The following ZNF721 variants were observed in gnomAD, a reference collection of about 807,000 sequenced individuals.
ZNF721 encodes zinc finger protein 721.
Under a neutral mutation model 2.4 loss-of-function variants are expected in ZNF721, and 2 were observed. The observed-to-expected ratio is 0.82, with a 90% confidence interval of 0.34 to 2.58. ZNF721 has a LOEUF of 2.58. ZNF721 is among the 30% of genes most tolerant of loss of function. The pLI is 0.11. For missense variants in ZNF721, 1,187 were observed against 1,085.5 expected, an observed-to-expected ratio of 1.09 and a Z score of -1.31; for synonymous variants, 398 against 381.8, an observed-to-expected ratio of 1.04 and a Z score of -0.50.
chr4:456,667 T>C (rs2108699168), intron 2 of ZNF721, among the ~76,000 whole-genome samples: 1 of 152,230 alleles, frequency 6.6e-6, no homozygotes, highest in South Asian at 2.1e-4. Context: ...GATCATGAGG[T>C]CAAGAGATCG....
intron 1 of ZNF721, among the ~76,000 whole-genome samples, chr4:484,603 C>T (rs1277764061): frequency 6.6e-6 from 1 of 152,142 alleles, no homozygotes; most frequent in Non-Finnish European, 1.5e-5. Context: ...CTCTTATGGT[C>T]GAGGCTGCAG....
In ZNF721 at chr4:441,711, T is replaced by G; in HGVS notation, c.2756A>C (p.Lys919Thr). ...YAHKKIHTGDKTIQV is the reference protein window; with the variant it reads ...YAHKKIHTGDTTIQV ...CCACATTCTTTACACTTGTATGGTTTTATCTCCAGTATGAATTTTCTTATG... is the reference window on the plus strand; with the variant it reads ...CCACATTCTTTACACTTGTATGGTTGTATCTCCAGTATGAATTTTCTTATG... Residue 919 changes from lysine to threonine, a missense_variant, in exon 3 of 3, where the codon AAA becomes ACA. Physicochemically the swap from Lys to Thr is moderately conservative, Grantham distance 78. Transcript: ENST00000511833. The G allele has an allele frequency of 6.2e-7, 1 of 1,609,248 alleles. No homozygotes were observed. Among genetic ancestry groups the G allele is most frequent in the Non-Finnish European group, 8.5e-7 (1 of 1,177,068 alleles).
At chr4:485,491 T>G (rs1715870260) in intron 1 of ZNF721, among the ~76,000 whole-genome samples, 1 of 151,628 alleles carries the variant, frequency 6.6e-6, no homozygotes, top group South Asian at 2.1e-4. Flanking sequence ...AGGCCACAAC[T>G]CAACAGTGGT....
At chr4:462,811 C>G (rs1715108611) in intron 2 of ZNF721, among the ~76,000 whole-genome samples, 1 of 152,216 alleles carries the variant, frequency 6.6e-6, no homozygotes, top group Non-Finnish European at 1.5e-5. Flanking sequence ...TAGAAGAAAA[C>G]CTAGGCAATA....
chr4:466,319 G>A (rs1715249245), intron 2 of ZNF721, among the ~76,000 whole-genome samples: 1 of 152,132 alleles, frequency 6.6e-6, no homozygotes, highest in South Asian at 2.1e-4. Flanking sequence ...TTAAAATGGG[G>A]GGAAATCCTA....
intron 2 of ZNF721, among the ~76,000 whole-genome samples, chr4:465,560 T>C (rs1428759576): frequency 6.6e-6 from 1 of 151,834 alleles, no homozygotes; most frequent in Admixed American, 6.6e-5. Context: ...GCCTCCCAAG[T>C]AGCTGGGACT....
intron 1 of ZNF721, among the ~76,000 whole-genome samples, chr4:485,472 G>A (rs1325448441): frequency 1.3e-4 from 20 of 151,826 alleles, no homozygotes; most frequent in Admixed American, 3.3e-4. Flanking sequence ...GAACACAGGC[G>A]GGACTGAAAG....
At chr4:454,656 A>T (rs1553865243) in intron 2 of ZNF721, among the ~76,000 whole-genome samples, 1 of 152,094 alleles carries the variant, frequency 6.6e-6, no homozygotes, top group African/African-American at 2.4e-5. Flanking sequence ...ATGTATCTGT[A>T]AGGGTATTTT....
intron 2 of ZNF721, 125 bp from the exon 3 acceptor site, chr4:444,557 T>C: frequency 1.0e-6 from 1 of 968,604 alleles, no homozygotes; most frequent in Non-Finnish European, 1.5e-6. Flanking sequence ...AGTCATAACT[T>C]CTTCACATAT....
chr4:494,139 T>C (rs1716090247), intron 1 of ZNF721, among the ~76,000 whole-genome samples: 1 of 152,002 alleles, frequency 6.6e-6, no homozygotes, highest in African/African-American at 2.4e-5. Flanking sequence ...ATATAGACAA[T>C]ACATAAACAC....
chr4:447,585 G>A (rs1304796572), intron 2 of ZNF721, among the ~76,000 whole-genome samples: 6 of 152,054 alleles, frequency 3.9e-5, no homozygotes, highest in Non-Finnish European at 7.4e-5. Flanking sequence ...GTTTCCATTC[G>A]AAATACATGC....
rs1714230167 is a variant in ZNF721, at chr4:441,382, G to A, written c.*313C>T. 9.2e-6 allele frequency: 2 copies of A among 217,642 alleles called. No homozygotes were observed. The highest frequency in any genetic ancestry group is 1.8e-5 in the Non-Finnish European group (2 of 110,074). The allele number at this position is 217,642 out of a possible 1,614,324, so 13.5% of individuals were successfully genotyped here. A position where few individuals can be genotyped will look rare whatever the true frequency, so the allele number is the denominator to read the frequency against. On this transcript the variant is annotated 3_prime_UTR_variant, in exon 3 of 3. Coordinates refer to ENST00000511833, the MANE Select transcript of ZNF721 (RefSeq NM_133474.4). Reference sequence around the variant, plus strand: ...TTTTGCCACATTTTTTGTATTTCCAGGTGTTTTCTTCAGTAGGAATTACAT... The same window carrying A: ...TTTTGCCACATTTTTTGTATTTCCAAGTGTTTTCTTCAGTAGGAATTACAT...
chr4:485,842 G>A (rs1382817606), intron 1 of ZNF721, among the ~76,000 whole-genome samples: 1 of 152,138 alleles, frequency 6.6e-6, no homozygotes, highest in African/African-American at 2.4e-5. Context: ...AGGCGTGCTG[G>A]TGCGTGCCTA....
At chr4:481,438 T>C (rs540135611) in intron 1 of ZNF721, among the ~76,000 whole-genome samples, 31 of 152,360 alleles carry the variant, frequency 2.0e-4, no homozygotes, top group African/African-American at 7.0e-4. Flanking sequence ...ATTTTGATTA[T>C]TTTTTCAAAT....
At chr4:472,461 C>T in intron 2 of ZNF721, 114 bp downstream of exon 2, 1 of 1,125,274 alleles carries the variant, frequency 8.9e-7, no homozygotes, top group South Asian at 1.6e-5. Flanking sequence ...ACTTACATAG[C>T]TGTGTGTGTG....
intron 2 of ZNF721, among the ~76,000 whole-genome samples, chr4:467,994 A>G (rs1553866974): frequency 2.0e-5 from 3 of 150,756 alleles, no homozygotes; most frequent in Non-Finnish European, 4.4e-5. Flanking sequence ...AAATTAGCTG[A>G]GCGTGCCGGG....
At chr4:478,799 T>C (rs1715701829) in intron 1 of ZNF721, among the ~76,000 whole-genome samples, 1 of 150,210 alleles carries the variant, frequency 6.7e-6, no homozygotes, top group South Asian at 2.1e-4. Flanking sequence ...GATGGGAGTC[T>C]CACTTTGTCG....
intron 2 of ZNF721, among the ~76,000 whole-genome samples, chr4:457,074 TC>T: frequency 6.6e-6 from 1 of 152,296 alleles, no homozygotes; most frequent in African/African-American, 2.4e-5. Flanking sequence ...GCATTTTGAA[TC>T]CTTACATGCA....
intron 1 of ZNF721, among the ~76,000 whole-genome samples, chr4:489,527 C>T (rs1715973231): frequency 6.6e-6 from 1 of 152,200 alleles, no homozygotes; most frequent in Non-Finnish European, 1.5e-5. Flanking sequence ...TTCACGTGGA[C>T]ACTCTCAGCT....
Sources: gnomAD v4.1 joint callset for allele counts (sites outside exome capture counted in the v4.1 genomes callset) on GRCh38, gnomAD v4.1.1 for gene constraint, MANE v1.5 for transcripts, NCBI Gene and HGNC (gene_info 2026-07-23, HGNC 2026-07-21) for gene names.